MYO16: variants seen among roughly 807,000 people sequenced by gnomAD.
MYO16 encodes unconventional myosin-XVI.
In MYO16, 94 loss-of-function variants were observed where a neutral mutation model predicts 205.3. That is an observed-to-expected ratio of 0.46 (90% CI 0.39 to 0.54). MYO16 has a LOEUF of 0.54. Among genes scored for constraint, MYO16 ranks in the 20% least tolerant of loss-of-function variants. The pLI, the probability that MYO16 is intolerant of heterozygous loss-of-function variation, is 0.00. For missense variants in MYO16, 2,315 were observed against 2,387.5 expected (o/e 0.97, Z 0.63); for synonymous variants, 988 against 954.0 (o/e 1.04, Z -0.66).
chr13:108,654,551 T>C (rs1028008189), intron 1 of MYO16, among the ~76,000 whole-genome samples: 1 of 152,158 alleles, frequency 6.6e-6, no homozygotes, highest in Non-Finnish European at 1.5e-5. Flanking sequence ...TACAGTAAAC[T>C]GGTATCAGTA....
At chr13:109,024,028 GTATA>G (rs1477367365) in intron 23 of MYO16, among the ~76,000 whole-genome samples, 1 of 136,426 alleles carries the variant, frequency 7.3e-6, no homozygotes, top group Non-Finnish European at 1.6e-5. Flanking sequence ...CAATGTGTAT[GTATA>G]TATTTATATT....
chr13:108,941,027 T>C (rs1882700259), intron 16 of MYO16, among the ~76,000 whole-genome samples: 1 of 152,180 alleles, frequency 6.6e-6, no homozygotes, highest in Non-Finnish European at 1.5e-5. Context: ...CTTTCATTGC[T>C]GCAGTGAGGT....
chr13:108,595,528 G>A (rs926268523), upstream of MYO16, among the ~76,000 whole-genome samples: 1 of 152,166 alleles, frequency 6.6e-6, no homozygotes, highest in Non-Finnish European at 1.5e-5. Flanking sequence ...TTCTTTTAGT[G>A]GAAGGTTAAT....
chr13:108,999,041 C>T (rs1378914498), intron 21 of MYO16, among the ~76,000 whole-genome samples: 1 of 152,076 alleles, frequency 6.6e-6, no homozygotes, highest in African/African-American at 2.4e-5. Context: ...TTGAGTCTAC[C>T]TCTTGATGGT....
intron 4 of MYO16, among the ~76,000 whole-genome samples, chr13:108,769,023 A>G (rs950172801): frequency 2.6e-5 from 4 of 152,208 alleles, no homozygotes; most frequent in Admixed American, 6.5e-5. Flanking sequence ...TATTATTAAT[A>G]ATGTATTTAT....
chr13:108,898,353 T>TGTGTGTGTGTGTGTGC (rs1305938004), intron 15 of MYO16, among the ~76,000 whole-genome samples: 1 of 52,624 alleles, frequency 1.9e-5, no homozygotes, highest in Non-Finnish European at 4.4e-5. Context: ...GGTGTGTGAG[T>TGTGTGTGTGTGTGTGC]GTGTGTGTGT....
chr13:109,133,840 C>T (rs1354650985), intron 31 of MYO16, among the ~76,000 whole-genome samples: 3 of 152,130 alleles, frequency 2.0e-5, no homozygotes, highest in Non-Finnish European at 2.9e-5. Context: ...GCACACACAC[C>T]CGGAAGTAGC....
chr13:108,797,467 G>A (rs1230038970), intron 6 of MYO16, among the ~76,000 whole-genome samples: 1 of 152,232 alleles, frequency 6.6e-6, no homozygotes. Context: ...CAAGCACTGA[G>A]GAAGGAGGAA....
chr13:108,628,219 G>A (rs1286061321), upstream of MYO16, among the ~76,000 whole-genome samples: 1 of 152,130 alleles, frequency 6.6e-6, no homozygotes, highest in Non-Finnish European at 1.5e-5. Flanking sequence ...GGTGACTTTT[G>A]TGACAGTGAC....
intron 25 of MYO16, among the ~76,000 whole-genome samples, chr13:109,053,042 CAG>C (rs1159730171): frequency 1.3e-5 from 2 of 152,046 alleles, no homozygotes; most frequent in Non-Finnish European, 2.9e-5. Context: ...ACTAAAAACT[CAG>C]TGAAGAGTTG....
chr13:108,675,791 A>G (rs966845451), intron 2 of MYO16, among the ~76,000 whole-genome samples: 7 of 152,210 alleles, frequency 4.6e-5, no homozygotes, highest in Non-Finnish European at 1.0e-4. Context: ...GAACATCATG[A>G]TAGAAGCAGC....
At chr13:108,881,755 A>G (rs1879629581) in intron 12 of MYO16, among the ~76,000 whole-genome samples, 1 of 152,190 alleles carries the variant, frequency 6.6e-6, no homozygotes, top group South Asian at 2.1e-4. Context: ...AAAAAAGAGT[A>G]AAAAGAAATG....
At chr13:108,505,758 G>A in the MYO16 span, among the ~76,000 whole-genome samples, 1 of 151,818 alleles carries the variant, frequency 6.6e-6, no homozygotes, top group African/African-American at 2.4e-5. Context: ...AAGTCACAAG[G>A]TTTTCATCAT....
chr13:108,961,839 A>G (rs1232519135), intron 18 of MYO16, among the ~76,000 whole-genome samples, 183 bp downstream of exon 18: 1 of 152,240 alleles, frequency 6.6e-6, no homozygotes, highest in South Asian at 2.1e-4. Flanking sequence ...GGAAATGAGT[A>G]GCAAGATGTA....
At chr13:108,562,600 T>C in the MYO16 span, among the ~76,000 whole-genome samples, 1 of 152,130 alleles carries the variant, frequency 6.6e-6, no homozygotes, top group Non-Finnish European at 1.5e-5. Flanking sequence ...ATATCACAAT[T>C]GTGATATGAT....
chr13:108,899,342 GA>G (rs1269272336), intron 15 of MYO16, among the ~76,000 whole-genome samples: 2 of 151,824 alleles, frequency 1.3e-5, no homozygotes, highest in Non-Finnish European at 2.9e-5. Context: ...AGAATCACTT[GA>G]ACCCAGGAGG....
chr13:108,920,926 C>G (rs1183272085), intron 16 of MYO16, among the ~76,000 whole-genome samples: 1 of 152,150 alleles, frequency 6.6e-6, no homozygotes, highest in Non-Finnish European at 1.5e-5. Context: ...GAGGTGTGGC[C>G]CTCATAGACC....
At chr13:109,085,752 C>A (rs4771625) in intron 27 of MYO16, among the ~76,000 whole-genome samples, 88,495 of 151,900 alleles carry the variant, frequency 0.58, 25,962 homozygotes, top group Admixed American at 0.62. Flanking sequence ...TGTGGACAGA[C>A]CAGGGTCTAT....
chr13:108,698,910 A>G (rs1883190345), intron 2 of MYO16, among the ~76,000 whole-genome samples: 1 of 152,168 alleles, frequency 6.6e-6, no homozygotes, highest in African/African-American at 2.4e-5. Flanking sequence ...AGTTTTACAA[A>G]TGAGGGAACT....
Sources: gnomAD v4.1 joint callset for allele counts (sites outside exome capture counted in the v4.1 genomes callset) on GRCh38, gnomAD v4.1.1 for gene constraint, MANE v1.5 for transcripts, NCBI Gene and HGNC (gene_info 2026-07-23, HGNC 2026-07-21) for gene names.